The following SENP5 variants were observed in gnomAD, a reference collection of about 807,000 sequenced individuals.
SENP5 encodes the protein SUMO specific peptidase 5.
A neutral mutation model predicts 74.2 loss-of-function variants in SENP5; 21 were observed. That is an observed-to-expected ratio of 0.28 (90% CI 0.20 to 0.41). The LOEUF (loss-of-function observed/expected upper bound fraction) is 0.41, where lower values mean the gene tolerates loss of function less well. SENP5 is among the 10% of genes least tolerant of loss of function. The pLI is 1.00. For synonymous variants in SENP5, 311 were observed against 312.7 expected (o/e 0.99, Z 0.06); for missense variants, 717 against 889.1 (o/e 0.81, Z 2.46).
At chr3:196,924,269 A>G (rs913669406) in intron 7 of SENP5, among the ~76,000 whole-genome samples, 3 of 152,212 alleles carry the variant, frequency 2.0e-5, no homozygotes, top group Non-Finnish European at 4.4e-5. Flanking sequence ...ACCACCTAAT[A>G]ATTTAAAACT....
At chr3:196,923,354 T>G (rs547919518) in intron 6 of SENP5, 60 bp from the exon 7 acceptor site, 91 of 1,533,424 alleles carry the variant, frequency 5.9e-5, no homozygotes, top group Non-Finnish European at 7.7e-5. Context: ...AAGCTGCTGG[T>G]TTTTGGTGGT....
chr3:196,868,421 G>T (rs1054201385), intron 1 of SENP5, among the ~76,000 whole-genome samples: 1 of 152,244 alleles, frequency 6.6e-6, no homozygotes, highest in Admixed American at 6.5e-5. Flanking sequence ...GTGGAAGTCC[G>T]GGGTTTTTAT....
At chr3:196,929,577 TATCTG>T (rs1425786186) in intron 8 of SENP5, 51 bp from the exon 9 acceptor site, 4 of 1,136,086 alleles carry the variant, frequency 3.5e-6, no homozygotes, top group Non-Finnish European at 5.2e-6. Flanking sequence ...GAGTTTTTCT[TATCTG>T]AAGAGAAGTA....
Position 196,933,518 on chromosome 3 carries a change from G to A in SENP5, c.*2595G>A, listed in dbSNP as rs1259210504. On this transcript the variant is annotated 3_prime_UTR_variant, in exon 10 of 10. Coordinates refer to ENST00000323460, the MANE Select transcript of SENP5 (RefSeq NM_152699.5). ...AAAGATATTTTTGAAATATACTCTG[G>A]ACTGTTGGTGAAAGAGGCAGGCATG... The A allele has an allele frequency of 6.6e-6, 1 of 152,066 alleles. No homozygotes were observed. Among genetic ancestry groups the A allele is most frequent in the African/African-American group, 2.4e-5 (1 of 41,380 alleles). 9.4% of individuals were successfully genotyped at this position (152,066 alleles called of 1,614,324 possible).
chr3:196,929,987 TAAAAAAAA>T (rs76093991), intron 9 of SENP5, among the ~76,000 whole-genome samples: 1 of 136,626 alleles, frequency 7.3e-6, no homozygotes, highest in Non-Finnish European at 1.6e-5. Flanking sequence ...GGCATTTGCA[TAAAAAAAA>T]AAAAAAAAAA....
Position 196,931,988 on chromosome 3 carries a change from T to G in SENP5, c.*1065T>G. The G allele has an allele frequency of 2.3e-6, 1 of 443,096 alleles. No homozygotes were observed. The highest frequency in any genetic ancestry group is 7.4e-5 in the East Asian group (1 of 13,462). The allele number at this position is 443,096 out of a possible 1,614,324, so 27.4% of individuals were successfully genotyped here. A position where few individuals can be genotyped will look rare whatever the true frequency, so the allele number is the denominator to read the frequency against. ...AGCGCAGCAACCGTGTCAGGTTCTT[T>G]CTCCTGTCCCATTAGTGACCTCAGT... On this transcript the variant is annotated 3_prime_UTR_variant, in exon 10 of 10. Transcript: ENST00000323460.
chr3:196,927,829 GA>G lies in SENP5; in HGVS notation c.2063del (p.Asn688IlefsTer39). 1 of 1,612,588 alleles carries G rather than the reference GA, an allele frequency of 6.2e-7. No homozygotes were observed. The highest frequency in any genetic ancestry group is 1.1e-5 in the South Asian group (1 of 91,048). On this transcript the variant is annotated frameshift_variant, in exon 8 of 10. Coordinates refer to ENST00000323460, the MANE Select transcript of SENP5 (RefSeq NM_152699.5). LOFTEE classifies it high-confidence loss of function. ...AAAGTATTTGCTGACTGAAGCCAGA[GA>G]AAAAAATAGACCTGAATTTCTTCAG... ...IRKYLLTEAREKNRPEFLQGW... is the reference protein window; with the variant it reads ...IRKYLLTEARXKNRPEFLQGW...
chr3:196,891,168 T>C (rs6797744), intron 2 of SENP5, among the ~76,000 whole-genome samples: 100,036 of 152,068 alleles, frequency 0.66, 33,952 homozygotes, highest in Non-Finnish European at 0.74. Flanking sequence ...CTTGGAAGCA[T>C]GCTAAGTGAA....
chr3:196,926,534 T>C (rs1267817110), intron 7 of SENP5, among the ~76,000 whole-genome samples: 2 of 152,060 alleles, frequency 1.3e-5, no homozygotes, highest in Non-Finnish European at 2.9e-5. Flanking sequence ...GAACTTGAAG[T>C]TACTTCTTTA....
intron 6 of SENP5, chr3:196,914,586 A>AAAAAAAAAAAAAAATAGAT: frequency 3.0e-5 from 1 of 33,510 alleles, no homozygotes; most frequent in African/African-American, 1.8e-4. Context: ...AAAAAAAAAA[A>AAAAAAAAAAAAAAATAGAT]ATATATATAT....
intron 8 of SENP5, 36 bp downstream of exon 8, chr3:196,927,915 CA>C: frequency 7.4e-7 from 1 of 1,350,202 alleles, no homozygotes; most frequent in Non-Finnish European, 1.1e-6. Context: ...CAGGCATGTC[CA>C]GGGGATGGAA....
At chr3:196,877,233 G>A (rs954421363) in intron 1 of SENP5, among the ~76,000 whole-genome samples, 1 of 151,920 alleles carries the variant, frequency 6.6e-6, no homozygotes, top group African/African-American at 2.4e-5. Flanking sequence ...ACCCAGGCTG[G>A]AGTGCAGTGG....
intron 2 of SENP5, among the ~76,000 whole-genome samples, chr3:196,897,224 A>G (rs1714478041): frequency 6.6e-6 from 1 of 152,184 alleles, no homozygotes; most frequent in Non-Finnish European, 1.5e-5. Flanking sequence ...TTCTCAATGC[A>G]GTTTCTCAAA....
chr3:196,903,372 C>G (rs1003886586), intron 5 of SENP5, among the ~76,000 whole-genome samples, 161 bp from the exon 6 acceptor site: 1 of 152,094 alleles, frequency 6.6e-6, no homozygotes, highest in Non-Finnish European at 1.5e-5. Flanking sequence ...ACTCCTGACC[C>G]CAGATGATCC....
intron 2 of SENP5, among the ~76,000 whole-genome samples, chr3:196,893,186 C>CCTGCTTTTT (rs1714287245): frequency 6.6e-6 from 1 of 152,212 alleles, no homozygotes; most frequent in African/African-American, 2.4e-5. Flanking sequence ...TCTCCACATT[C>CCTGCTTTTT]AAGTCCTTTG....
chr3:196,897,228 T>G (rs932676483), intron 2 of SENP5, among the ~76,000 whole-genome samples: 5 of 152,200 alleles, frequency 3.3e-5, no homozygotes, highest in African/African-American at 1.2e-4. Context: ...CAATGCAGTT[T>G]CTCAAATGGT....
At chr3:196,893,128 T>C (rs1714283029) in intron 2 of SENP5, among the ~76,000 whole-genome samples, 1 of 152,242 alleles carries the variant, frequency 6.6e-6, no homozygotes, top group African/African-American at 2.4e-5. Context: ...TTTTCCTTCA[T>C]GGCTGTGCTA....
chr3:196,902,392 A>G (rs1305073557), intron 5 of SENP5, among the ~76,000 whole-genome samples: 1 of 152,168 alleles, frequency 6.6e-6, no homozygotes, highest in Admixed American at 6.5e-5. Flanking sequence ...CTGCCTCTCA[A>G]AATTGCTGGG....
rs1250652894 is a variant in SENP5, at chr3:196,933,497, A to T, written c.*2574A>T. 6.6e-6 allele frequency: 1 copy of T among 152,122 alleles called. No homozygotes were observed. Among genetic ancestry groups the T allele is most frequent in the Non-Finnish European group, 1.5e-5 (1 of 68,042 alleles). 9.4% of individuals were successfully genotyped at this position (152,122 alleles called of 1,614,324 possible). A position where few individuals can be genotyped will look rare whatever the true frequency, so the allele number is the denominator to read the frequency against. ...GTAATTGCTTCCTTGGTTAATAAAG[A>T]TATTTTTGAAATATACTCTGGACTG... On this transcript the variant is annotated 3_prime_UTR_variant, in exon 10 of 10. Coordinates refer to ENST00000323460, the MANE Select transcript of SENP5 (RefSeq NM_152699.5).
Sources: allele counts gnomAD v4.1 joint callset (sites outside exome capture counted in the v4.1 genomes callset), GRCh38; gene constraint gnomAD v4.1.1; transcripts MANE v1.5; gene names NCBI Gene and HGNC (gene_info 2026-07-23, HGNC 2026-07-21).